The following SP4 variants were observed in gnomAD, a reference collection of about 807,000 sequenced individuals.
SP4 encodes the protein Sp4 transcription factor.
A neutral mutation model predicts 72.8 loss-of-function variants in SP4; 19 were observed. That is an observed-to-expected ratio of 0.26 (90% CI 0.18 to 0.38). SP4 has a LOEUF of 0.38. Ranked by LOEUF, SP4 falls within the 10% of genes least tolerant of loss-of-function variation. The probability of loss-of-function intolerance (pLI) is 1.00; values close to 1 mark genes in which losing one functional copy is unlikely to be tolerated. For synonymous variants in SP4, 395 were observed against 333.1 expected (o/e 1.19, Z -2.02); for missense variants, 1,008 against 926.3 (o/e 1.09, Z -1.14).
chr7:21,480,025 T>TAGGA (rs1784636122), intron 4 of SP4, among the ~76,000 whole-genome samples: 1 of 152,070 alleles, frequency 6.6e-6, no homozygotes, highest in African/African-American at 2.4e-5. Context: ...GTAGAGTCTT[T>TAGGA]AGGATTTCTG....
chr7:21,492,638 CAG>C (rs1363738053), intron 5 of SP4, among the ~76,000 whole-genome samples: 25 of 152,090 alleles, frequency 1.6e-4, no homozygotes, highest in Non-Finnish European at 2.8e-4. Flanking sequence ...AATTTAAAAA[CAG>C]ATGATAAAAT....
chr7:21,443,003 T>C (rs1562590265), intron 3 of SP4, among the ~76,000 whole-genome samples: 1 of 152,340 alleles, frequency 6.6e-6, no homozygotes, highest in East Asian at 1.9e-4. Flanking sequence ...CCCAAAGTGC[T>C]GGGATTACAG....
At chr7:21,507,028 C>A (rs191756598) in intron 5 of SP4, among the ~76,000 whole-genome samples, 5 of 152,192 alleles carry the variant, frequency 3.3e-5, no homozygotes, top group Admixed American at 3.3e-4. Context: ...GTTGCCTCTC[C>A]CAGATGGTCA....
At position 21,482,778 on chromosome 7, in the gene SP4, G is replaced by A. The variant is rs986754997; in HGVS notation, c.2107+655G>A. ...TGTGTGTGTTATGAAATGTTACAAT[G>A]TTGCAGAATTATAAATTTCACTTGT... On this transcript the variant is annotated intron_variant, in intron 5 of 5. Coordinates refer to ENST00000222584, the MANE Select transcript of SP4 (RefSeq NM_003112.5). 4 of 975,168 alleles carry A rather than the reference G, an allele frequency of 4.1e-6. No individual in the cohort carries two copies. The African/African-American group carries it at 5.3e-5, about 13-fold the overall frequency. 60.4% of individuals were successfully genotyped at this position (975,168 alleles called of 1,614,324 possible).
At chr7:21,487,700 G>A (rs908392355) in intron 5 of SP4, among the ~76,000 whole-genome samples, 45 of 146,780 alleles carry the variant, frequency 3.1e-4, no homozygotes, top group African/African-American at 1.1e-3. Flanking sequence ...AGTGTTGTAG[G>A]CGTTCCTGAA....
intron 3 of SP4, among the ~76,000 whole-genome samples, chr7:21,445,468 A>G (rs1254266646): frequency 6.6e-6 from 1 of 152,136 alleles, no homozygotes; most frequent in East Asian, 1.9e-4. Flanking sequence ...TGGTCCTGCA[A>G]CTTTATTGTT....
chr7:21,451,975 G>A (rs372769743), intron 3 of SP4, among the ~76,000 whole-genome samples: 1 of 152,182 alleles, frequency 6.6e-6, no homozygotes, highest in Non-Finnish European at 1.5e-5. Context: ...TACATGCCCA[G>A]AATTAGAATA....
In SP4 at chr7:21,429,439, C is replaced by G; in HGVS notation, c.274C>G (p.Leu92Val). 6.2e-7 allele frequency: 1 copy of G among 1,614,212 alleles called. No individual in the cohort carries two copies. Among genetic ancestry groups the G allele is most frequent in the East Asian group, 2.2e-5 (1 of 44,890 alleles). ...TCAAAATCAACCACAACAGCTAGAA[C>G]TGGTAACAACGCAACTTGCTGGAAA... ...QLQNQPQQLE[L>V]VTTQLAGNAW... Residue 92 changes from leucine (L) to valine (V), a missense_variant, in exon 3 of 6, where the codon CTG becomes GTG. By Grantham distance (32) the Leu-to-Val change is conservative (BLOSUM62 1). Coordinates refer to ENST00000222584, the MANE Select transcript of SP4 (RefSeq NM_003112.5).
chr7:21,505,863 G>T (rs1292820054), intron 5 of SP4, among the ~76,000 whole-genome samples: 1 of 152,142 alleles, frequency 6.6e-6, no homozygotes, highest in Non-Finnish European at 1.5e-5. Flanking sequence ...TCTCCCTTCA[G>T]TGGAAATGGG....
intron 3 of SP4, among the ~76,000 whole-genome samples, chr7:21,434,200 A>C (rs1782970343): frequency 6.6e-6 from 1 of 152,220 alleles, no homozygotes; most frequent in Admixed American, 6.5e-5. Flanking sequence ...GCCTTGAAAA[A>C]TTAGTAGCTT....
Position 21,430,751 on chromosome 7 carries a change from C to T in SP4, c.1586C>T (p.Ser529Leu). The change falls in exon 3 of 6, where the codon TCA (serine) becomes TTA (leucine). Residue 529 changes from serine to leucine, a missense_variant. Around this residue, in one of 3 missense-constraint regions of SP4, gnomAD observed 893 missense variants for 743.3 expected, o/e 1.20. Coordinates refer to ENST00000222584, the MANE Select transcript of SP4 (RefSeq NM_003112.5). Reference sequence around the variant, plus strand: ...ACTTTGAATACTGCCCAGCTTGCATCAGTGCCTAACCTTCAGACAGTGAGC... The same window carrying T: ...ACTTTGAATACTGCCCAGCTTGCATTAGTGCCTAACCTTCAGACAGTGAGC... ...PITLNTAQLA[S>L]VPNLQTVSVA... The T allele has an allele frequency of 6.2e-7, 1 of 1,614,234 alleles. No homozygotes were observed. Among genetic ancestry groups the T allele is most frequent in the Non-Finnish European group, 8.5e-7 (1 of 1,180,044 alleles).
chr7:21,435,263 A>G (rs1562584510), intron 3 of SP4, among the ~76,000 whole-genome samples: 1 of 152,208 alleles, frequency 6.6e-6, no homozygotes, highest in African/African-American at 2.4e-5. Flanking sequence ...TAATAATAAG[A>G]TACTGCTGAC....
intron 5 of SP4, among the ~76,000 whole-genome samples, chr7:21,484,503 T>C (rs1027553919): frequency 2.0e-5 from 3 of 151,946 alleles, no homozygotes; most frequent in Non-Finnish European, 2.9e-5. Context: ...CTGAAAAAGT[T>C]AGCATTATAG....
chr7:21,478,969 G>A (rs1784597000), intron 4 of SP4, among the ~76,000 whole-genome samples: 1 of 151,956 alleles, frequency 6.6e-6, no homozygotes, highest in African/African-American at 2.4e-5. Flanking sequence ...TCGGGAGGCT[G>A]AGGGAGGAGA....
intron 3 of SP4, among the ~76,000 whole-genome samples, chr7:21,463,260 G>T (rs1486605805): frequency 6.6e-6 from 1 of 152,038 alleles, no homozygotes; most frequent in African/African-American, 2.4e-5. Flanking sequence ...ATTGTAAGGT[G>T]CAAGGAAAGG....
chr7:21,460,444 C>T lies in SP4; in HGVS notation c.1679-16635C>T, dbSNP rs868522206. ...TCAGGAGTGAAGCTGCAGACCTTCG[C>T]GGTGAGTGTTACAGCTCATAAAGGC... On this transcript the variant is annotated intron_variant, in intron 3 of 5. Transcript: ENST00000222584. 1.9e-4 allele frequency among the ~76,000 whole-genome samples: 29 copies of T among 151,906 alleles called. No individual in the cohort carries two copies. In the Middle Eastern group the frequency reaches 0.01, roughly 53 times the overall value.
At chr7:21,433,310 C>A (rs1212141089) in intron 3 of SP4, among the ~76,000 whole-genome samples, 1 of 152,126 alleles carries the variant, frequency 6.6e-6, no homozygotes, top group Non-Finnish European at 1.5e-5. Flanking sequence ...TAGTTGGATT[C>A]TTTTCCCCCT....
chr7:21,483,176 A>G (rs1181761761), intron 5 of SP4, among the ~76,000 whole-genome samples: 1 of 151,974 alleles, frequency 6.6e-6, no homozygotes, highest in African/African-American at 2.4e-5. Flanking sequence ...TGTGTTTTTC[A>G]TGGTTATCCA....
At chr7:21,481,065 A>G (rs1221995248) in intron 4 of SP4, among the ~76,000 whole-genome samples, 2 of 152,118 alleles carry the variant, frequency 1.3e-5, no homozygotes, top group African/African-American at 4.8e-5. Context: ...CCTGGCTTAG[A>G]ACTTTGACTT....
Sources: gnomAD v4.1 joint callset for allele counts (sites outside exome capture counted in the v4.1 genomes callset) on GRCh38, gnomAD v4.1.1 for gene constraint, gnomAD v4.1.1 regional missense constraint, MANE v1.5 for transcripts, NCBI Gene and HGNC (gene_info 2026-07-23, HGNC 2026-07-21) for gene names.